Variants in NFIB observed in about 807,000 individuals in gnomAD.
NFIB encodes nuclear factor 1 B-type.
In NFIB, 11 loss-of-function variants were observed where a neutral mutation model predicts 61.5. The observed-to-expected ratio is 0.18, with a 90% CI of 0.11 to 0.30. NFIB has a LOEUF of 0.30. Ranked by LOEUF, NFIB falls within the 10% of genes least tolerant of loss-of-function variation. The probability of loss-of-function intolerance (pLI) is 1.00; values close to 1 mark genes in which losing one functional copy is unlikely to be tolerated. For synonymous variants in NFIB, 260 were observed against 216.5 expected, an observed-to-expected ratio of 1.20 and a Z score of -1.76; for missense variants, 471 against 608.9, an observed-to-expected ratio of 0.77 and a Z score of 2.38.
chr9:14,211,705 C>G (rs1297881547), intron 2 of NFIB, among the ~76,000 whole-genome samples: 1 of 152,202 alleles, frequency 6.6e-6, no homozygotes, highest in Admixed American at 6.5e-5. Context: ...CCTGCGGGGC[C>G]GTCTGAGCTG....
intron 2 of NFIB, among the ~76,000 whole-genome samples, chr9:14,188,159 G>A (rs1587442902): frequency 6.6e-6 from 1 of 152,252 alleles, no homozygotes; most frequent in South Asian, 2.1e-4. Context: ...TCTACAGTGT[G>A]TTTTCAATTA....
the NFIB span, among the ~76,000 whole-genome samples, chr9:14,529,837 G>A: frequency 6.6e-6 from 1 of 152,060 alleles, no homozygotes; most frequent in African/African-American, 2.4e-5. Context: ...TTTTACCTCT[G>A]AACTTGTCCC....
chr9:14,457,678 AG>A, the NFIB span, among the ~76,000 whole-genome samples: 1 of 152,150 alleles, frequency 6.6e-6, no homozygotes, highest in Non-Finnish European at 1.5e-5. Context: ...AAAATGATAA[AG>A]GGGTTATCAC....
intron 1 of NFIB, among the ~76,000 whole-genome samples, chr9:14,360,446 G>C (rs1256768109): frequency 1.3e-5 from 2 of 151,974 alleles, no homozygotes; most frequent in Non-Finnish European, 2.9e-5. Context: ...AATTCTTTAT[G>C]AGATTACATT....
At position 14,148,229 on chromosome 9, in the gene NFIB, C is replaced by G. The variant is rs562262217; in HGVS notation, c.807-1422G>C. 3.3e-5 allele frequency among the ~76,000 whole-genome samples: 5 copies of G among 152,056 alleles called. No individual in the cohort carries two copies. The South Asian group carries it at 1.0e-3, about 32-fold the overall frequency. On this transcript the variant is annotated intron_variant, in intron 5 of 10. Coordinates refer to ENST00000380953, the MANE Select transcript of NFIB (RefSeq NM_001190737.2). Reference sequence around the variant, plus strand: ...CCTCAAGCTCCTGGGCTCAAGTGATCCTCCTACCACAGCCGCCCAAATAGT... The same window carrying G: ...CCTCAAGCTCCTGGGCTCAAGTGATGCTCCTACCACAGCCGCCCAAATAGT...
intron 2 of NFIB, among the ~76,000 whole-genome samples, chr9:14,182,034 G>C (rs573563967): frequency 6.6e-6 from 1 of 152,136 alleles, no homozygotes; most frequent in Non-Finnish European, 1.5e-5. Context: ...TCTTCCATTC[G>C]TAAGAAACTA....
chr9:14,504,760 G>A, the NFIB span, among the ~76,000 whole-genome samples: 19 of 152,096 alleles, frequency 1.2e-4, no homozygotes, highest in African/African-American at 4.6e-4. Flanking sequence ...CTAGGTATAT[G>A]ATCATATAAT....
chr9:14,368,879 C>G (rs557473167), intron 1 of NFIB, among the ~76,000 whole-genome samples: 1 of 152,262 alleles, frequency 6.6e-6, no homozygotes, highest in South Asian at 2.1e-4. Context: ...GTGCAAGGTA[C>G]CTGAGCTCAG....
At chr9:14,420,456 A>C in the NFIB span, among the ~76,000 whole-genome samples, 1 of 150,144 alleles carries the variant, frequency 6.7e-6, no homozygotes, top group East Asian at 1.9e-4. Flanking sequence ...AAAAAAAAAA[A>C]AAAAAAAAAA....
intron 9 of NFIB, among the ~76,000 whole-genome samples, chr9:14,113,867 T>C (rs1481010973): frequency 6.6e-6 from 1 of 152,146 alleles, no homozygotes; most frequent in Non-Finnish European, 1.5e-5. Flanking sequence ...CAACTGCTTT[T>C]TGCTTTTTGG....
the NFIB span, among the ~76,000 whole-genome samples, chr9:14,474,489 GC>G: frequency 6.6e-6 from 1 of 152,000 alleles, no homozygotes; most frequent in East Asian, 1.9e-4. Context: ...TATAGCATTC[GC>G]CCCGTTTTCT....
chr9:14,481,617 C>G, the NFIB span, among the ~76,000 whole-genome samples: 1 of 152,010 alleles, frequency 6.6e-6, no homozygotes, highest in Non-Finnish European at 1.5e-5. Context: ...ACTGATTTCC[C>G]AAGGTCCCAA....
intron 2 of NFIB, among the ~76,000 whole-genome samples, chr9:14,275,078 T>G (rs545235926): frequency 1.3e-5 from 2 of 152,176 alleles, no homozygotes; most frequent in East Asian, 3.9e-4. Flanking sequence ...GTGGGCGAAC[T>G]ATCAGTAAGT....
intron 2 of NFIB, among the ~76,000 whole-genome samples, chr9:14,225,793 T>C (rs892437222): frequency 2.0e-5 from 3 of 152,110 alleles, no homozygotes; most frequent in Non-Finnish European, 2.9e-5. Flanking sequence ...AATCCAGAAA[T>C]ACAGAACAAA....
chr9:14,408,786 A>T, the NFIB span, among the ~76,000 whole-genome samples: 35 of 152,328 alleles, frequency 2.3e-4, no homozygotes, highest in South Asian at 6.2e-4. Flanking sequence ...TATTTAGCAA[A>T]TACACAGTAC....
intron 2 of NFIB, among the ~76,000 whole-genome samples, chr9:14,232,508 A>G (rs1434240605): frequency 6.6e-6 from 1 of 152,218 alleles, no homozygotes; most frequent in African/African-American, 2.4e-5. Flanking sequence ...CAAAAATTAA[A>G]TAAACAAAAG....
At chr9:14,334,169 T>A (rs928090556) in intron 1 of NFIB, among the ~76,000 whole-genome samples, 1 of 152,210 alleles carries the variant, frequency 6.6e-6, no homozygotes, top group African/African-American at 2.4e-5. Flanking sequence ...ATAATGGAGA[T>A]ATGAACATTG....
chr9:14,483,410 G>A, the NFIB span, among the ~76,000 whole-genome samples: 1 of 152,096 alleles, frequency 6.6e-6, no homozygotes, highest in Non-Finnish European at 1.5e-5. Context: ...GTTTATGCTT[G>A]GTGAGGAGGA....
At chr9:14,513,694 G>GT in the NFIB span, among the ~76,000 whole-genome samples, 2 of 151,064 alleles carry the variant, frequency 1.3e-5, no homozygotes, top group African/African-American at 2.4e-5. Context: ...AAAAGCTATA[G>GT]TTTTTTTTCT....
Sources: gnomAD v4.1 joint callset for allele counts (sites outside exome capture counted in the v4.1 genomes callset) on GRCh38, gnomAD v4.1.1 for gene constraint, MANE v1.5 for transcripts, NCBI Gene and HGNC (gene_info 2026-07-23, HGNC 2026-07-21) for gene names.